OPRM1: variants seen among roughly 807,000 people sequenced by gnomAD.
OPRM1 encodes the protein opioid receptor mu 1.
OPRM1 carries 27 observed loss-of-function variants against 31.8 expected under a neutral mutation model. That is an observed-to-expected ratio of 0.85 (90% CI 0.63 to 1.17). The LOEUF is 1.17. OPRM1 is among the 50% of genes most tolerant of loss of function. The pLI, the probability that OPRM1 is intolerant of heterozygous loss-of-function variation, is 0.00. For synonymous variants in OPRM1, 196 were observed against 189.9 expected, an observed-to-expected ratio of 1.03 and a Z score of -0.26; for missense variants, 536 against 511.1, an observed-to-expected ratio of 1.05 and a Z score of -0.47.
At chr6:154,010,543 G>A in exon 1 of OPRM1, 1 of 1,546,810 alleles carries the variant, frequency 6.5e-7, no homozygotes, top group Non-Finnish European at 8.7e-7. Context: ...CAGCACCAAA[G>A]CTGGGAAGCC....
At chr6:154,217,482 T>C (rs758600657) in intron 3 of OPRM1, 5 of 148,912 alleles carry the variant, frequency 3.4e-5, no homozygotes, top group African/African-American at 4.9e-5. Flanking sequence ...CAAAAGCTCA[T>C]GGCACGAGCA....
In OPRM1 at chr6:154,179,306, C is replaced by T. The variant is rs1417949306; in HGVS notation, c.1165-67387C>T. On this transcript the variant is annotated intron_variant, in intron 3 of 3. Transcript: ENST00000337049. ...TGGCTACCCTTGTACCTCCAAGAGG[C>T]TTTTCAGTAAAGCAGTATTTTAAAA... 4.6e-5 allele frequency among the ~76,000 whole-genome samples: 7 copies of T among 152,252 alleles called. No individual in the cohort carries two copies. The East Asian group carries it at 1.2e-3, about 25-fold the overall frequency.
chr6:154,047,266 C>A (rs1456553958), intron 1 of OPRM1, among the ~76,000 whole-genome samples: 1 of 148,474 alleles, frequency 6.7e-6, no homozygotes, highest in African/African-American at 2.5e-5. Flanking sequence ...CTTCTTACTG[C>A]ACTGGGAGGC....
chr6:154,030,188 A>C (rs1334149426), intron 1 of OPRM1, among the ~76,000 whole-genome samples: 1 of 144,914 alleles, frequency 6.9e-6, no homozygotes, highest in Non-Finnish European at 1.5e-5. Flanking sequence ...GACCTCTGAG[A>C]GTCTCCCCTT....
At position 154,168,868 on chromosome 6, in the gene OPRM1, A is replaced by G. The variant is rs1408051683; in HGVS notation, c.1164+77396A>G. On this transcript the variant is annotated intron_variant, in intron 3 of 3. Coordinates refer to the OPRM1 transcript ENST00000337049. The surrounding 1 kb of genome is among the most constrained non-coding windows in gnomAD (Gnocchi z 4.1). ...TGATCCGCCCACCTTGGCCTCCCAAAGTGCTGGGATTACAGGTGTGAGCCA... is the reference window on the plus strand; with the variant it reads ...TGATCCGCCCACCTTGGCCTCCCAAGGTGCTGGGATTACAGGTGTGAGCCA... Among the ~76,000 whole-genome samples the G allele has an allele frequency of 2.0e-5, 3 of 152,016 alleles. No individual in the cohort carries two copies. The highest frequency in any genetic ancestry group is 4.4e-5 in the Non-Finnish European group (3 of 67,996).
Position 154,122,366 on chromosome 6 carries a change from A to G in OPRM1, c.*3645A>G, listed in dbSNP as rs1797354891. ...CAGGCCTATTGCTTGGTTTCAGAAG[A>G]GTGAGAACATGAAAGTTCATAAATG... On this transcript the variant is annotated 3_prime_UTR_variant, in exon 4 of 4. Coordinates refer to ENST00000330432, the MANE Select transcript of OPRM1 (RefSeq NM_000914.5). Among the ~76,000 whole-genome samples, 1 of 152,160 alleles carries G rather than the reference A, an allele frequency of 6.6e-6. No homozygotes were observed. The highest frequency in any genetic ancestry group is 1.5e-5 in the Non-Finnish European group (1 of 68,022).
At chr6:154,096,709 C>T (rs1369547762) in intron 3 of OPRM1, among the ~76,000 whole-genome samples, 1 of 152,108 alleles carries the variant, frequency 6.6e-6, no homozygotes, top group African/African-American at 2.4e-5. Flanking sequence ...TAAGATCAAA[C>T]AGCCAGGAAG....
intron 3 of OPRM1, among the ~76,000 whole-genome samples, chr6:154,214,987 T>G (rs1778270763): frequency 6.6e-6 from 1 of 152,190 alleles, no homozygotes; most frequent in South Asian, 2.1e-4. Context: ...ACACAAATTT[T>G]TAAAAGCTGG....
At chr6:154,023,727 G>A (rs772482605) in intron 1 of OPRM1, among the ~76,000 whole-genome samples, 1 of 151,954 alleles carries the variant, frequency 6.6e-6, no homozygotes, top group Non-Finnish European at 1.5e-5. Flanking sequence ...GTTCCTTCTA[G>A]CCCCAGTTTT....
chr6:154,196,795 G>A (rs1252746954), intron 3 of OPRM1, among the ~76,000 whole-genome samples: 1 of 152,112 alleles, frequency 6.6e-6, no homozygotes, highest in Admixed American at 6.5e-5. Flanking sequence ...TCTGGAACCT[G>A]GAACTCTCAG....
At chr6:154,214,373 T>C in intron 3 of OPRM1, 1 of 860,868 alleles carries the variant, frequency 1.2e-6, no homozygotes. Context: ...GTCATGATTC[T>C]ACCATCAGTC....
Position 154,119,132 on chromosome 6 carries a change from A to T in OPRM1, c.*411A>T. On this transcript the variant is annotated 3_prime_UTR_variant, in exon 4 of 4. Coordinates refer to ENST00000330432, the MANE Select transcript of OPRM1 (RefSeq NM_000914.5). ...CATAAAGTAAATGCTACCTCTGATC[A>T]AAGCACCTTGAATGGAAGGTCCGAG... 1.0e-6 allele frequency: 1 copy of T among 992,378 alleles called. No homozygotes were observed. Among genetic ancestry groups the T allele is most frequent in the Non-Finnish European group, 1.2e-6 (1 of 834,330 alleles). 61.5% of individuals were successfully genotyped at this position (992,378 alleles called of 1,614,324 possible).
intron 3 of OPRM1, among the ~76,000 whole-genome samples, chr6:154,193,665 C>A (rs1802131607): frequency 2.6e-5 from 4 of 151,942 alleles, no homozygotes. Context: ...AATTGAAGAC[C>A]CCTCTGATAA....
intron 1 of OPRM1, among the ~76,000 whole-genome samples, chr6:154,081,647 G>A (rs1789181795): frequency 6.6e-6 from 1 of 152,186 alleles, no homozygotes; most frequent in Admixed American, 6.5e-5. Flanking sequence ...TCTCAGCACA[G>A]TCATATTTGA....
chr6:154,079,856 G>T (rs565746731), intron 1 of OPRM1, among the ~76,000 whole-genome samples: 1 of 152,058 alleles, frequency 6.6e-6, no homozygotes, highest in Admixed American at 6.6e-5. Flanking sequence ...GATTACAGAC[G>T]TGAGCAACTG....
chr6:154,213,244 G>T (rs1583814392), intron 3 of OPRM1: 1 of 197,714 alleles, frequency 5.1e-6, no homozygotes, highest in East Asian at 1.2e-4. Flanking sequence ...TGCACAACTT[G>T]TGAAGGGGAG....
intron 3 of OPRM1, among the ~76,000 whole-genome samples, chr6:154,208,847 T>C (rs1453197881): frequency 6.6e-6 from 1 of 152,242 alleles, no homozygotes; most frequent in Non-Finnish European, 1.5e-5. Context: ...CAAATTGTCT[T>C]CCAGAGTGAA....
chr6:154,018,505 C>CTTTTTTTTTTTTTTTTT (rs747320275), intron 1 of OPRM1, among the ~76,000 whole-genome samples: 1 of 141,218 alleles, frequency 7.1e-6, no homozygotes, highest in Non-Finnish European at 1.5e-5. Context: ...CCCGTTAATT[C>CTTTTTTTTTTTTTTTTT]TTTTTTTTTT....
At chr6:154,092,021 C>G (rs1347260359) in intron 3 of OPRM1, 2 of 659,250 alleles carry the variant, frequency 3.0e-6, no homozygotes, top group East Asian at 2.7e-4. Flanking sequence ...GGTTTGCTAC[C>G]TGAACTCTAG....
Sources: gnomAD v4.1 joint callset for allele counts (sites outside exome capture counted in the v4.1 genomes callset) on GRCh38, gnomAD v4.1.1 for gene constraint, Gnocchi (gnomAD v3.1) non-coding constraint, MANE v1.5 for transcripts, NCBI Gene and HGNC (gene_info 2026-07-23, HGNC 2026-07-21) for gene names.